CIMIP6: variants seen among roughly 807,000 people sequenced by gnomAD.
CIMIP6 encodes the protein uncharacterized protein C2orf73.
the CIMIP6 span, among the ~76,000 whole-genome samples, chr2:54,354,162 T>C: frequency 6.6e-6 from 1 of 152,152 alleles, no homozygotes; most frequent in African/African-American, 2.4e-5. Flanking sequence ...AGATTCCATA[T>C]ATAAATGAGT....
At chr2:54,356,143 T>TAAAAAAAAAAAAA in the CIMIP6 span, among the ~76,000 whole-genome samples, 2 of 136,664 alleles carry the variant, frequency 1.5e-5, 1 homozygote, top group African/African-American at 5.4e-5. Flanking sequence ...CTTAAACTGT[T>TAAAAAAAAAAAAA]AAAAAAAAAA....
chr2:54,372,346 T>A, the CIMIP6 span, among the ~76,000 whole-genome samples: 1 of 152,196 alleles, frequency 6.6e-6, no homozygotes, highest in African/African-American at 2.4e-5. Context: ...GTTGCTGGCA[T>A]CTGCAGAGTG....
chr2:54,347,682 G>T, the CIMIP6 span, among the ~76,000 whole-genome samples: 701 of 152,074 alleles, frequency 4.6e-3, 8 homozygotes, highest in African/African-American at 0.016. Flanking sequence ...TACTTAATTT[G>T]CCCAGAGAGA....
chr2:54,344,293 A>G, the CIMIP6 span, among the ~76,000 whole-genome samples: 1 of 152,220 alleles, frequency 6.6e-6, no homozygotes, highest in South Asian at 2.1e-4. Context: ...TAGCAGACTG[A>G]GCACACATAT....
the CIMIP6 span, chr2:54,358,838 AAAT>A: frequency 1.9e-6 from 1 of 514,574 alleles, no homozygotes; most frequent in South Asian, 3.9e-5. Flanking sequence ...TAGATTGTGT[AAAT>A]AATCTTGCAT....
At chr2:54,377,221 T>C in the CIMIP6 span, among the ~76,000 whole-genome samples, 1 of 152,162 alleles carries the variant, frequency 6.6e-6, no homozygotes, top group African/African-American at 2.4e-5. Flanking sequence ...ATTCGTAATA[T>C]TGACCAATTT....
At chr2:54,332,525 G>A in the CIMIP6 span, among the ~76,000 whole-genome samples, 1 of 152,124 alleles carries the variant, frequency 6.6e-6, no homozygotes, top group Admixed American at 6.5e-5. Context: ...TGAGACAAAG[G>A]CTCAGATATG....
chr2:54,340,227 C>T, the CIMIP6 span, among the ~76,000 whole-genome samples: 1 of 48,612 alleles, frequency 2.1e-5, no homozygotes, highest in Non-Finnish European at 5.5e-5. Flanking sequence ...AAGATATGAT[C>T]TGTTCCCCAG....
At chr2:54,381,656 GA>G in the CIMIP6 span, among the ~76,000 whole-genome samples, 1 of 152,184 alleles carries the variant, frequency 6.6e-6, no homozygotes, top group African/African-American at 2.4e-5. Flanking sequence ...TTCCAATCCT[GA>G]AATCTATGAT....
At chr2:54,362,397 G>T in the CIMIP6 span, among the ~76,000 whole-genome samples, 58 of 152,242 alleles carry the variant, frequency 3.8e-4, no homozygotes, top group African/African-American at 1.3e-3. Context: ...AAGATCCTTG[G>T]TTTTTTTCCA....
the CIMIP6 span, among the ~76,000 whole-genome samples, chr2:54,351,715 C>T: frequency 6.6e-6 from 1 of 152,140 alleles, no homozygotes; most frequent in East Asian, 1.9e-4. Context: ...AACAAACCCC[C>T]ATGAGACAAG....
chr2:54,350,498 G>A, the CIMIP6 span, among the ~76,000 whole-genome samples: 1 of 152,200 alleles, frequency 6.6e-6, no homozygotes, highest in African/African-American at 2.4e-5. Context: ...GGTTTCTCCA[G>A]CAGGGTAGCT....
At chr2:54,360,390 T>A in the CIMIP6 span, 1 of 1,608,334 alleles carries the variant, frequency 6.2e-7, no homozygotes, top group Non-Finnish European at 8.5e-7. Flanking sequence ...TCTCAGGAGC[T>A]GTTAGAGCCT....
chr2:54,336,755 G>A, the CIMIP6 span, among the ~76,000 whole-genome samples: 13 of 152,316 alleles, frequency 8.5e-5, no homozygotes, highest in South Asian at 4.1e-4. Context: ...TTTTAAATTG[G>A]TGGTCAGAGA....
chr2:54,358,876 C>T, the CIMIP6 span: 4 of 573,584 alleles, frequency 7.0e-6, no homozygotes, highest in Non-Finnish European at 1.2e-5. Context: ...GTTTTGTTAC[C>T]ATATTTTATA....
At chr2:54,375,294 G>C in the CIMIP6 span, among the ~76,000 whole-genome samples, 38 of 152,240 alleles carry the variant, frequency 2.5e-4, no homozygotes, top group African/African-American at 8.9e-4. Context: ...TATATAAAGA[G>C]CTCATACAAA....
the CIMIP6 span, chr2:54,343,750 G>A: frequency 8.7e-6 from 14 of 1,609,322 alleles, 1 homozygote; most frequent in Middle Eastern, 1.7e-4. Context: ...TAAAGCACTG[G>A]AACCTGTCTT....
the CIMIP6 span, among the ~76,000 whole-genome samples, chr2:54,380,693 C>A: frequency 2.6e-5 from 4 of 152,224 alleles, no homozygotes; most frequent in Admixed American, 6.5e-5. Context: ...GTGTCCTCCA[C>A]ACCTAGTTCC....
chr2:54,345,886 A>C, the CIMIP6 span, among the ~76,000 whole-genome samples: 10 of 152,236 alleles, frequency 6.6e-5, no homozygotes, highest in Admixed American at 1.3e-4. Flanking sequence ...AGGGATAGAA[A>C]AATAAGTCAC....
Sources: allele counts gnomAD v4.1 joint callset (sites outside exome capture counted in the v4.1 genomes callset), GRCh38; gene constraint gnomAD v4.1.1; transcripts MANE v1.5; gene names NCBI Gene and HGNC (gene_info 2026-07-23, HGNC 2026-07-21).